The following LOXL2 variants were observed in gnomAD, a reference collection of about 807,000 sequenced individuals.
LOXL2 encodes lysyl oxidase like 2.
In LOXL2, 70 loss-of-function variants were observed where a neutral mutation model predicts 93.0. The observed-to-expected ratio is 0.75, with a 90% confidence interval of 0.62 to 0.92. LOXL2 has a LOEUF of 0.92. Among genes scored for constraint, LOXL2 ranks in the 40% least tolerant of loss-of-function variants. The pLI is 0.00. For missense variants in LOXL2, 973 were observed against 1,054.9 expected (o/e 0.92, Z 1.08); for synonymous variants, 438 against 413.2 (o/e 1.06, Z -0.73).
At position 23,297,738 on chromosome 8, in the gene LOXL2, T is replaced by TAAAA; in HGVS notation, c.*304_*305insTTTT. 4.3e-6 allele frequency: 1 copy of TAAAA among 234,956 alleles called. No homozygotes were observed. Among genetic ancestry groups the TAAAA allele is most frequent in the South Asian group, 1.3e-4 (1 of 7,714 alleles). 14.6% of individuals were successfully genotyped at this position (234,956 alleles called of 1,614,324 possible). On this transcript the variant is annotated 3_prime_UTR_variant, in exon 14 of 14. Coordinates refer to ENST00000389131, the MANE Select transcript of LOXL2 (RefSeq NM_002318.3). Reference sequence around the variant, plus strand: ...GCTCGGTGGCTTGAATGGGACAAGCTGATGACAACCTGTCTGTGGGCCTCA... The same window carrying TAAAA: ...GCTCGGTGGCTTGAATGGGACAAGCTAAAAGATGACAACCTGTCTGTGGGCCTCA...
At chr8:23,328,847 G>A (rs1174538156) in intron 5 of LOXL2, 1 of 374,532 alleles carries the variant, frequency 2.7e-6, no homozygotes, top group Non-Finnish European at 5.0e-6. Context: ...GTCCCCTGGG[G>A]AGCCCATTGG....
chr8:23,386,009 A>G, intron 1 of LOXL2: 2 of 765,234 alleles, frequency 2.6e-6, no homozygotes, highest in South Asian at 2.7e-5. Flanking sequence ...GCTTTGGACA[A>G]CCCCCTGAGC....
chr8:23,312,893 A>G (rs1803340295), intron 9 of LOXL2, among the ~76,000 whole-genome samples: 10 of 117,836 alleles, frequency 8.5e-5, no homozygotes, highest in Non-Finnish European at 1.1e-4. Context: ...TTGTATATCT[A>G]GAAAACCCCA....
At chr8:23,328,860 A>G (rs759133363) in intron 5 of LOXL2, 3 of 340,898 alleles carry the variant, frequency 8.8e-6, no homozygotes, top group Non-Finnish European at 1.6e-5. Context: ...CCCATTGGGG[A>G]CCGTCGATCA....
intron 3 of LOXL2, among the ~76,000 whole-genome samples, chr8:23,347,623 C>G (rs1804016241): frequency 6.6e-6 from 1 of 152,108 alleles, no homozygotes; most frequent in South Asian, 2.1e-4. Context: ...GCACTCCAGC[C>G]TGGGCGAAAG....
In LOXL2 at chr8:23,362,800, T is replaced by A. The variant is rs1034880427; in HGVS notation, c.356-2535A>T. On this transcript the variant is annotated intron_variant, in intron 2 of 13. Coordinates refer to ENST00000389131, the MANE Select transcript of LOXL2 (RefSeq NM_002318.3). Reference sequence around the variant, plus strand: ...TGTACATTTGGCCATAATTTTTTTTTAATTATAAAGTGCTAGAGGATTTTC... The same window carrying A: ...TGTACATTTGGCCATAATTTTTTTTAAATTATAAAGTGCTAGAGGATTTTC... 2.6e-5 allele frequency among the ~76,000 whole-genome samples: 4 copies of A among 151,968 alleles called. No homozygotes were observed. In the East Asian group the frequency reaches 8.0e-4, roughly 31 times the overall value.
At chr8:23,402,424 G>A (rs986403679) in intron 1 of LOXL2, among the ~76,000 whole-genome samples, 3 of 152,210 alleles carry the variant, frequency 2.0e-5, no homozygotes, top group Admixed American at 2.0e-4. Context: ...CATGGCTCTG[G>A]TGGCCATTCC....
At chr8:23,346,694 A>G (rs2117188859) in intron 3 of LOXL2, among the ~76,000 whole-genome samples, 1 of 152,340 alleles carries the variant, frequency 6.6e-6, no homozygotes, top group East Asian at 1.9e-4. Flanking sequence ...AAGTCAAGCA[A>G]GCCAGCCTAC....
intron 12 of LOXL2, 64 bp downstream of exon 12, chr8:23,301,963 A>C: frequency 6.3e-7 from 1 of 1,595,916 alleles, no homozygotes. Flanking sequence ...AATGGGAAGG[A>C]GCCTGTGGAG....
chr8:23,354,357 G>A (rs1223858624), intron 3 of LOXL2, among the ~76,000 whole-genome samples: 3 of 152,150 alleles, frequency 2.0e-5, no homozygotes, highest in East Asian at 1.9e-4. Flanking sequence ...AGTGGTCTAC[G>A]ACCAGGGTCA....
intron 1 of LOXL2, among the ~76,000 whole-genome samples, chr8:23,371,859 C>G (rs1191048994): frequency 6.9e-6 from 1 of 145,694 alleles, no homozygotes; most frequent in African/African-American, 2.5e-5. Flanking sequence ...CTTGTGTTGT[C>G]TGGGAAGTGG....
chr8:23,365,804 G>C (rs547825368), intron 2 of LOXL2: 1 of 152,152 alleles, frequency 6.6e-6, no homozygotes, highest in South Asian at 2.1e-4. Context: ...TAAACTTCTT[G>C]TATCTCCATC....
chr8:23,311,135 A>G (rs1291602378), intron 9 of LOXL2, among the ~76,000 whole-genome samples: 1 of 152,170 alleles, frequency 6.6e-6, no homozygotes, highest in African/African-American at 2.4e-5. Flanking sequence ...CAGCACGTGG[A>G]GTGAGCTCTG....
intron 1 of LOXL2, among the ~76,000 whole-genome samples, chr8:23,371,669 G>A (rs200354279): frequency 1.4e-5 from 2 of 143,576 alleles, no homozygotes; most frequent in Non-Finnish European, 3.0e-5. Flanking sequence ...GGAGAATGGC[G>A]TGAACCCAGG....
intron 3 of LOXL2, among the ~76,000 whole-genome samples, chr8:23,356,686 C>A (rs1269264707): frequency 1.3e-5 from 2 of 152,194 alleles, no homozygotes; most frequent in Non-Finnish European, 2.9e-5. Context: ...CAGAAAGCGT[C>A]CCCCTGGCTC....
intron 9 of LOXL2, among the ~76,000 whole-genome samples, chr8:23,316,509 C>T (rs1803403464): frequency 6.6e-6 from 1 of 152,122 alleles, no homozygotes; most frequent in Non-Finnish European, 1.5e-5. Context: ...TGGGCTCAAT[C>T]TCTCTAGGAC....
intron 5 of LOXL2, among the ~76,000 whole-genome samples, chr8:23,330,612 A>G (rs1315484369): frequency 6.6e-6 from 1 of 152,170 alleles, no homozygotes; most frequent in Non-Finnish European, 1.5e-5. Flanking sequence ...ATATGATGTA[A>G]GGCACGCTCG....
chr8:23,386,432 G>A (rs769325766), intron 1 of LOXL2, among the ~76,000 whole-genome samples: 1 of 152,102 alleles, frequency 6.6e-6, no homozygotes, highest in Non-Finnish European at 1.5e-5. Context: ...AGTGCTCTGT[G>A]TCTCTTACGA....
At chr8:23,400,907 G>A (rs1800145425) in intron 1 of LOXL2, among the ~76,000 whole-genome samples, 1 of 152,198 alleles carries the variant, frequency 6.6e-6, no homozygotes, top group Admixed American at 6.5e-5. Flanking sequence ...TGATTTTGCA[G>A]TTCATTTATC....
Sources: allele counts gnomAD v4.1 joint callset (sites outside exome capture counted in the v4.1 genomes callset), GRCh38; gene constraint gnomAD v4.1.1; transcripts MANE v1.5; gene names NCBI Gene and HGNC (gene_info 2026-07-23, HGNC 2026-07-21).